ABI3BP: variants seen among roughly 807,000 people sequenced by gnomAD.
The protein encoded by ABI3BP is ABI family member 3 binding protein.
ABI3BP carries 216 observed loss-of-function variants against 268.6 expected under a neutral mutation model. The observed-to-expected ratio is 0.80, with a 90% CI of 0.72 to 0.90. ABI3BP has a LOEUF of 0.90. Ranked by LOEUF, ABI3BP falls within the 40% of genes least tolerant of loss-of-function variation. ABI3BP has a pLI of 0.00. For missense variants in ABI3BP, 2,090 were observed against 2,182.4 expected (o/e 0.96, Z 0.84); for synonymous variants, 730 against 730.0 (o/e 1.00, Z 0.00).
In ABI3BP at chr3:100,875,579, A is replaced by C. The variant is rs772801890; in HGVS notation, c.746T>G (p.Val249Gly). ...ATCCTTGTGAGTAACATTCTGAATC[A>C]CTGTTGAAATACAAAAAGACAGTGT... ...KLIPITIIKQ[V>G]IQNVTHKDSA... Residue 249 changes from valine to glycine, a missense_variant and splice_region_variant, in exon 8 of 68, where the codon GTG (valine) becomes GGG (glycine). Val to Gly is a moderately radical substitution (Grantham distance 109). Coordinates refer to ENST00000471714, the MANE Select transcript of ABI3BP (RefSeq NM_001375547.2). The C allele has an allele frequency of 6.2e-7, 1 of 1,611,640 alleles. No individual in the cohort carries two copies. Among genetic ancestry groups the C allele is most frequent in the South Asian group, 1.1e-5 (1 of 91,020 alleles).
At chr3:100,805,227 T>C (rs1248137039) in intron 50 of ABI3BP, among the ~76,000 whole-genome samples, 2 of 152,154 alleles carry the variant, frequency 1.3e-5, no homozygotes, top group African/African-American at 2.4e-5. Flanking sequence ...CCCATTTTTA[T>C]GTCTTTCCTT....
At chr3:100,919,476 T>C (rs1415557079) in intron 2 of ABI3BP, among the ~76,000 whole-genome samples, 2 of 152,182 alleles carry the variant, frequency 1.3e-5, no homozygotes, top group Non-Finnish European at 2.9e-5. Context: ...AGGGTAAACC[T>C]TGTAAATGGT....
Position 100,824,899 on chromosome 3 carries a change from G to T in ABI3BP, c.2705C>A (p.Pro902His), listed in dbSNP as rs2098340013. Residue 902 changes from proline to histidine, a missense_variant, in exon 36 of 68, where the codon CCT (proline) becomes CAT (histidine). Pro to His is a moderately conservative substitution (Grantham distance 77, BLOSUM62 -2). Coordinates refer to ENST00000471714, the MANE Select transcript of ABI3BP (RefSeq NM_001375547.2). The part of the protein sequence containing the change: ...SKRTRPPRPR[P>H]KTTPSPQAPE... ...TGCCTGAGGGCTCGGTGTAGTTTTA[G>T]GTCTGGGACGTGGAGGGCGGGTTCT... 8.5e-6 allele frequency: 13 copies of T among 1,536,168 alleles called. No individual in the cohort carries two copies. The highest frequency in any genetic ancestry group is 1.1e-5 in the Non-Finnish European group (13 of 1,146,722).
chr3:100,958,777 T>C (rs1392652540), intron 1 of ABI3BP, among the ~76,000 whole-genome samples: 1 of 152,236 alleles, frequency 6.6e-6, no homozygotes, highest in Non-Finnish European at 1.5e-5. Flanking sequence ...GTTAAAATTT[T>C]TAATGAATTC....
intron 1 of ABI3BP, among the ~76,000 whole-genome samples, chr3:100,969,556 T>C (rs2082667075): frequency 6.6e-6 from 1 of 152,120 alleles, no homozygotes; most frequent in African/African-American, 2.4e-5. Flanking sequence ...AAATGCTATA[T>C]ACAGAACAGC....
intron 34 of ABI3BP, among the ~76,000 whole-genome samples, chr3:100,827,659 A>G (rs1290479501): frequency 6.6e-6 from 1 of 152,110 alleles, no homozygotes; most frequent in African/African-American, 2.4e-5. Context: ...TTTTGCTCCT[A>G]CTATACTTTA....
intron 63 of ABI3BP, among the ~76,000 whole-genome samples, chr3:100,758,121 A>C (rs888294807): frequency 1.3e-5 from 2 of 151,482 alleles, no homozygotes; most frequent in Admixed American, 6.6e-5. Flanking sequence ...AAAAAAAAAC[A>C]ATCTTCCCCG....
chr3:100,873,620 C>T (rs535185331), intron 9 of ABI3BP, among the ~76,000 whole-genome samples: 23 of 152,154 alleles, frequency 1.5e-4, no homozygotes, highest in East Asian at 5.8e-4. Context: ...TTATGTTTCA[C>T]GGTGTTTTCT....
At chr3:100,926,855 C>G (rs1041309668) in intron 1 of ABI3BP, among the ~76,000 whole-genome samples, 3 of 152,138 alleles carry the variant, frequency 2.0e-5, no homozygotes, top group African/African-American at 7.2e-5. Context: ...AACGCCCAGC[C>G]TCCTTTATGA....
intron 65 of ABI3BP, among the ~76,000 whole-genome samples, chr3:100,753,551 C>T (rs1472700927): frequency 6.6e-6 from 1 of 152,142 alleles, no homozygotes; most frequent in Non-Finnish European, 1.5e-5. Flanking sequence ...CTCAGCCTCT[C>T]AGAGTGCTGG....
chr3:100,862,158 G>T (rs2099005366), intron 14 of ABI3BP, among the ~76,000 whole-genome samples, 153 bp downstream of exon 14: 1 of 152,112 alleles, frequency 6.6e-6, no homozygotes, highest in African/African-American at 2.4e-5. Flanking sequence ...TTGTAATGGG[G>T]AAAATGAGGT....
At chr3:100,783,578 A>T (rs936172823) in intron 57 of ABI3BP, among the ~76,000 whole-genome samples, 2 of 152,220 alleles carry the variant, frequency 1.3e-5, no homozygotes, top group Admixed American at 1.3e-4. Flanking sequence ...ACAATGGCAG[A>T]ATTAAATATC....
chr3:100,977,786 G>A (rs1186761378), intron 1 of ABI3BP, among the ~76,000 whole-genome samples: 1 of 152,116 alleles, frequency 6.6e-6, no homozygotes, highest in Non-Finnish European at 1.5e-5. Flanking sequence ...ATAATTGAGG[G>A]CCACCTTGGA....
At chr3:100,779,154 A>G (rs1038425834) in intron 58 of ABI3BP, among the ~76,000 whole-genome samples, 2 of 152,132 alleles carry the variant, frequency 1.3e-5, no homozygotes, top group African/African-American at 4.8e-5. Flanking sequence ...TATAATTAAA[A>G]CCCTTTAGAA....
intron 63 of ABI3BP, 31 bp downstream of exon 63, chr3:100,765,810 G>T: frequency 6.7e-7 from 1 of 1,501,734 alleles, no homozygotes; most frequent in South Asian, 1.2e-5. Context: ...TGCACTCTCA[G>T]AATTTACCTG....
chr3:100,952,467 A>G (rs2075403934), intron 1 of ABI3BP, among the ~76,000 whole-genome samples: 1 of 152,202 alleles, frequency 6.6e-6, no homozygotes, highest in South Asian at 2.1e-4. Context: ...TGTACTATAT[A>G]CTGCATCTTT....
intron 2 of ABI3BP, among the ~76,000 whole-genome samples, chr3:100,925,611 C>T (rs192687563): frequency 4.6e-5 from 7 of 151,950 alleles, no homozygotes; most frequent in Non-Finnish European, 8.8e-5. Context: ...GAGGGGATTT[C>T]GTCATGTTGC....
chr3:100,795,913 T>C lies in ABI3BP; in HGVS notation c.3818-62A>G, dbSNP rs925708649. On this transcript the variant is annotated intron_variant, in intron 52 of 67. Transcript: ENST00000471714. ...GAATTACTACCTGGCAAAGTCAAAA[T>C]AGTTTCCTTATTTTTTAGATGCATT... 23 of 1,171,938 alleles carry C rather than the reference T, an allele frequency of 2.0e-5. No homozygotes were observed. In the South Asian group the frequency reaches 2.8e-4, roughly 14 times the overall value. 72.6% of individuals were successfully genotyped at this position (1,171,938 alleles called of 1,614,324 possible). A position where few individuals can be genotyped will look rare whatever the true frequency, so the allele number is the denominator to read the frequency against.
chr3:100,857,645 T>G (rs1191401142), intron 14 of ABI3BP, among the ~76,000 whole-genome samples: 1 of 152,190 alleles, frequency 6.6e-6, no homozygotes, highest in Non-Finnish European at 1.5e-5. Context: ...GTTCTCAAAT[T>G]TTCAGAGCAA....
Sources: allele counts gnomAD v4.1 joint callset (sites outside exome capture counted in the v4.1 genomes callset), GRCh38; gene constraint gnomAD v4.1.1; transcripts MANE v1.5; gene names NCBI Gene and HGNC (gene_info 2026-07-23, HGNC 2026-07-21).